The following KCNG2 variants were observed in gnomAD, a reference collection of about 807,000 sequenced individuals.
KCNG2 encodes voltage-gated potassium channel regulatory subunit KCNG2.
KCNG2 carries 7 observed loss-of-function variants against 12.3 expected under a neutral mutation model. That is an observed-to-expected ratio of 0.57 (90% CI 0.32 to 1.07). The LOEUF is 1.07. KCNG2 is among the 50% of genes least tolerant of loss of function. KCNG2 has a pLI of 0.04. For missense variants in KCNG2, 703 were observed against 726.0 expected, an observed-to-expected ratio of 0.97 and a Z score of 0.36; for synonymous variants, 414 against 351.4, an observed-to-expected ratio of 1.18 and a Z score of -1.99.
chr18:79,814,691 G>T (rs537230525), intron 1 of KCNG2, among the ~76,000 whole-genome samples: 1 of 152,332 alleles, frequency 6.6e-6, no homozygotes, highest in East Asian at 1.9e-4. Context: ...CGGAAACTGG[G>T]TAAAGGGTAC....
intron 1 of KCNG2, among the ~76,000 whole-genome samples, chr18:79,820,451 A>C (rs1236722915): frequency 6.6e-6 from 1 of 152,130 alleles, no homozygotes; most frequent in Non-Finnish European, 1.5e-5. Context: ...CATCCTCACC[A>C]GCACTCAGGA....
chr18:79,831,662 C>T (rs1365960996), intron 1 of KCNG2, among the ~76,000 whole-genome samples: 5 of 120,010 alleles, frequency 4.2e-5, no homozygotes, highest in Admixed American at 3.9e-4. Flanking sequence ...GCGGACAGAG[C>T]CTTCGTCAGG....
In KCNG2 at chr18:79,809,758, C is replaced by T. The variant is rs536633429; in HGVS notation, c.-115+11744C>T. On this transcript the variant is annotated intron_variant, in intron 1 of 3. Coordinates refer to ENST00000316249, the MANE Select transcript of KCNG2 (RefSeq NM_012283.2). ...TCACGCCCACTCAAGACGTACTTTT[C>T]GGATGCTGCAGCCCAGGCGTCCTAC... 5.1e-4 allele frequency among the ~76,000 whole-genome samples: 78 copies of T among 152,384 alleles called. 2 individuals are homozygous for T. The South Asian group carries it at 8.7e-3, about 17-fold the overall frequency.
intron 3 of KCNG2, among the ~76,000 whole-genome samples, chr18:79,872,279 A>ATTTTTT (rs1568265416): frequency 6.2e-5 from 3 of 48,122 alleles, no homozygotes; most frequent in Non-Finnish European, 1.7e-4. Context: ...TCAAAGCTTC[A>ATTTTTT]GTTTTTTTTT....
At chr18:79,889,253 T>G (rs534163823) in intron 3 of KCNG2, among the ~76,000 whole-genome samples, 5 of 152,342 alleles carry the variant, frequency 3.3e-5, no homozygotes, top group Admixed American at 2.0e-4. Flanking sequence ...CAAGTCTCCT[T>G]CTAAAGTTCT....
intron 3 of KCNG2, among the ~76,000 whole-genome samples, chr18:79,868,544 C>G (rs1568263940): frequency 6.6e-6 from 1 of 152,204 alleles, no homozygotes; most frequent in African/African-American, 2.4e-5. Context: ...GGTTCTCACT[C>G]CTGTCCTAAG....
chr18:79,859,641 T>C (rs1210912140), intron 2 of KCNG2, among the ~76,000 whole-genome samples: 2 of 152,218 alleles, frequency 1.3e-5, no homozygotes, highest in Admixed American at 1.3e-4. Flanking sequence ...CAAATTCCAA[T>C]ATAAGATTTG....
chr18:79,809,456 G>T (rs1406912085), intron 1 of KCNG2, among the ~76,000 whole-genome samples: 13 of 143,914 alleles, frequency 9.0e-5, no homozygotes, highest in African/African-American at 3.4e-4. Flanking sequence ...CTGAGGAGCT[G>T]CCGGGGCCGC....
chr18:79,899,014 C>T (rs555659813), intron 3 of KCNG2, 26 bp from the exon 4 acceptor site: 3 of 1,497,928 alleles, frequency 2.0e-6, no homozygotes, highest in East Asian at 4.9e-5. Flanking sequence ...CCTGCGCCCC[C>T]AACCCCGTGT....
chr18:79,869,752 G>A (rs1234709843), intron 3 of KCNG2, among the ~76,000 whole-genome samples: 1 of 152,198 alleles, frequency 6.6e-6, no homozygotes, highest in Non-Finnish European at 1.5e-5. Flanking sequence ...GGCCCCCAAA[G>A]TTATCCTGGA....
chr18:79,883,160 T>C (rs955377369), intron 3 of KCNG2, among the ~76,000 whole-genome samples: 50 of 151,792 alleles, frequency 3.3e-4, no homozygotes, highest in African/African-American at 1.2e-3. Context: ...TCGCAGGGCC[T>C]GACGCGGGAG....
chr18:79,884,662 T>G lies in KCNG2; in HGVS notation c.625-14378T>G, dbSNP rs965361371. Reference sequence around the variant, plus strand: ...TTTCTACCTAGAGCGGAGAAATGTTTGTGGTTTCCAAAGAGACCGGACACG... The same window carrying G: ...TTTCTACCTAGAGCGGAGAAATGTTGGTGGTTTCCAAAGAGACCGGACACG... On this transcript the variant is annotated intron_variant, in intron 3 of 3. Transcript: ENST00000316249. This position sits in a 1 kb window ranked among gnomAD's most constrained non-coding sequence, Gnocchi z 5.5. Among the ~76,000 whole-genome samples the G allele has an allele frequency of 6.6e-6, 1 of 152,174 alleles. No homozygotes were observed. The highest frequency in any genetic ancestry group is 2.4e-5 in the African/African-American group (1 of 41,440).
intron 2 of KCNG2, among the ~76,000 whole-genome samples, chr18:79,858,001 TTTTA>T (rs1979079524): frequency 1.3e-5 from 2 of 152,122 alleles, no homozygotes; most frequent in Non-Finnish European, 2.9e-5. Context: ...GGATATTTTA[TTTTA>T]TTTATTTTAT....
chr18:79,807,632 G>C (rs1349727620), intron 1 of KCNG2, among the ~76,000 whole-genome samples: 2 of 152,086 alleles, frequency 1.3e-5, no homozygotes, highest in Non-Finnish European at 2.9e-5. Context: ...CCTCCCTCCC[G>C]CCGCAGCACA....
At chr18:79,858,917 T>C (rs1273894463) in intron 2 of KCNG2, among the ~76,000 whole-genome samples, 1 of 152,142 alleles carries the variant, frequency 6.6e-6, no homozygotes, top group Non-Finnish European at 1.5e-5. Flanking sequence ...TTAAATTGGG[T>C]TGTTTGTCAT....
intron 3 of KCNG2, among the ~76,000 whole-genome samples, chr18:79,888,295 G>A (rs2123121029): frequency 6.6e-6 from 1 of 152,296 alleles, no homozygotes; most frequent in South Asian, 2.1e-4. Flanking sequence ...ACAGGCTGCA[G>A]ACTCCTGAGA....
At chr18:79,821,090 A>G (rs2087566650) in intron 1 of KCNG2, among the ~76,000 whole-genome samples, 2 of 152,288 alleles carry the variant, frequency 1.3e-5, no homozygotes, top group Non-Finnish European at 2.9e-5. Context: ...TTTTGTTGAT[A>G]GTGTCCTCGG....
rs1355408198 is a variant in KCNG2 at position 79,864,096 on chromosome 18, G to A, written c.429G>A (p.Gln143=). 7 of 1,095,946 alleles carry A rather than the reference G, an allele frequency of 6.4e-6. No individual in the cohort carries two copies. The highest frequency in any genetic ancestry group is 3.6e-5 in the South Asian group (1 of 27,954). 67.9% of individuals were successfully genotyped at this position (1,095,946 alleles called of 1,614,324 possible). A position where few individuals can be genotyped will look rare whatever the true frequency, so the allele number is the denominator to read the frequency against. The part of the protein sequence containing the change: ...ARAGPTERGA[Q]GSPARALGPR... Reference sequence around the variant, plus strand: ...CGGGGCCGACGGAGCGCGGGGCGCAGGGGAGCCCGGCGCGCGCCCTGGGAC... The same window carrying A: ...CGGGGCCGACGGAGCGCGGGGCGCAAGGGAGCCCGGCGCGCGCCCTGGGAC... Residue 143 remains glutamine (Q), a synonymous_variant, in exon 3 of 4, where the codon CAG becomes CAA. Coordinates refer to ENST00000316249, the MANE Select transcript of KCNG2 (RefSeq NM_012283.2).
chr18:79,840,135 T>G (rs1193214569), intron 1 of KCNG2, among the ~76,000 whole-genome samples: 2 of 152,058 alleles, frequency 1.3e-5, no homozygotes, highest in East Asian at 3.8e-4. Flanking sequence ...GGTAATAAAA[T>G]GAAATAAAAT....
Sources: allele counts gnomAD v4.1 joint callset (sites outside exome capture counted in the v4.1 genomes callset), GRCh38; gene constraint gnomAD v4.1.1; non-coding constraint Gnocchi (gnomAD v3.1); transcripts MANE v1.5; gene names NCBI Gene and HGNC (gene_info 2026-07-23, HGNC 2026-07-21).